The following DHX38 variants were observed in gnomAD, a reference collection of about 807,000 sequenced individuals.
DHX38 encodes pre-mRNA-splicing factor ATP-dependent RNA helicase PRP16.
A neutral mutation model predicts 153.1 loss-of-function variants in DHX38; 100 were observed. The observed-to-expected ratio is 0.65, with a 90% CI of 0.56 to 0.77. The LOEUF (loss-of-function observed/expected upper bound fraction) is 0.77. DHX38 is among the 30% of genes least tolerant of loss of function. The pLI is 0.00. For missense variants in DHX38, 1,440 were observed against 1,654.0 expected (o/e 0.87, Z 2.24); for synonymous variants, 650 against 631.7 (o/e 1.03, Z -0.43).
In DHX38 at chr16:72,105,088, GGGCCCCT is replaced by G; in HGVS notation, c.2216_2222del (p.Ala739GlufsTer15). On this transcript the variant is annotated frameshift_variant, in exon 16 of 27. Coordinates refer to ENST00000268482, the MANE Select transcript of DHX38 (RefSeq NM_014003.4). LOFTEE classifies it high-confidence loss of function. ...CAGTCCTTGCAGGTGCACCTGTCGG[GGGCCCCT>G]GGAGACATCCTTATCTTCATGCCTG... 6.2e-7 allele frequency: 1 copy of G among 1,614,218 alleles called. No individual in the cohort carries two copies. Among genetic ancestry groups the G allele is most frequent in the Non-Finnish European group, 8.5e-7 (1 of 1,180,048 alleles).
chr16:72,112,900 T>C lies in DHX38; in HGVS notation c.*403T>C, dbSNP rs2042277286. On this transcript the variant is annotated 3_prime_UTR_variant, in exon 27 of 27. Transcript: ENST00000268482. ...CAGGATTTGGAAATAAATTTATTAT[T>C]TGTAAAACATGACTGCATGTCTGAC... 1 of 694,012 alleles carries C rather than the reference T, an allele frequency of 1.4e-6. No homozygotes were observed. The highest frequency in any genetic ancestry group is 2.6e-6 in the Non-Finnish European group (1 of 379,798). 43.0% of individuals were successfully genotyped at this position (694,012 alleles called of 1,614,324 possible).
chr16:72,105,705 T>A (rs1485942242), intron 18 of DHX38, 81 bp downstream of exon 18: 1 of 1,382,166 alleles, frequency 7.2e-7, no homozygotes, highest in Admixed American at 1.7e-5. Flanking sequence ...AGGGCCTCGC[T>A]CCTGGCCCTG....
rs559001484 is a variant in DHX38 at position 72,110,107 on chromosome 16, G to A, written c.3477+597G>A. Among the ~76,000 whole-genome samples, 6 of 152,298 alleles carry A rather than the reference G, an allele frequency of 3.9e-5. No homozygotes were observed. The South Asian group carries it at 8.3e-4, about 21-fold the overall frequency. On this transcript the variant is annotated intron_variant, in intron 25 of 26. Transcript: ENST00000268482. The stretch of plus-strand genomic sequence containing the variant: ...ATCCAGGCATTGCAACTGCTTATGT[G>A]TGTTAACTGTTTCATTCTAGAACAG...
rs746570296 is a variant in DHX38 at position 72,101,604 on chromosome 16, G to A, written c.1491G>A (p.Val497=). 9.7e-6 allele frequency: 15 copies of A among 1,551,588 alleles called. No homozygotes were observed. The highest frequency in any genetic ancestry group is 2.4e-5 in the South Asian group (2 of 84,050). The part of the protein sequence containing the change: ...PDKAVTEDGK[V]DYRTEQKFAD... ...AAGCTGTGACGGAGGATGGGAAGGTGGACTACAGGTGGGCAGCCTCAGCCA... is the reference window on the plus strand; with the variant it reads ...AAGCTGTGACGGAGGATGGGAAGGTAGACTACAGGTGGGCAGCCTCAGCCA... Residue 497 remains valine (V), a synonymous_variant, in exon 11 of 27, where the codon GTG becomes GTA. Coordinates refer to ENST00000268482, the MANE Select transcript of DHX38 (RefSeq NM_014003.4).
rs778749677 is a variant in DHX38, at chr16:72,103,943, C to T, written c.1825-3C>T. ...GCATCTGAGCCATCTCTCTGACCTC[C>T]AGGTGGGCTATGCCATCCGCTTTGA... is the stretch of plus-strand genomic sequence containing the variant. On this transcript the variant is annotated splice_polypyrimidine_tract_variant and splice_region_variant and intron_variant, in intron 13 of 26. Transcript: ENST00000268482. The T allele has an allele frequency of 4.3e-6, 7 of 1,613,612 alleles. No individual in the cohort carries two copies. Among genetic ancestry groups the T allele is most frequent in the Non-Finnish European group, 5.9e-6 (7 of 1,179,492 alleles).
At chr16:72,097,156 G>T (rs758983126) in intron 3 of DHX38, 147 bp downstream of exon 3, 5 of 812,480 alleles carry the variant, frequency 6.2e-6, no homozygotes, top group Non-Finnish European at 9.2e-6. Flanking sequence ...ACCCTGCTGG[G>T]ATTGGGAATA....
At chr16:72,102,812 T>C (rs926655753) in intron 11 of DHX38, among the ~76,000 whole-genome samples, 7 of 152,372 alleles carry the variant, frequency 4.6e-5, no homozygotes, top group African/African-American at 1.7e-4. Context: ...TTTGCTAATA[T>C]GGTGATCTGT....
rs2042154704 is a variant in DHX38, at chr16:72,105,051, G to T, written c.2176G>T (p.Ala726Ser). The T allele has an allele frequency of 3.1e-6, 5 of 1,614,166 alleles. No homozygotes were observed. The highest frequency in any genetic ancestry group is 4.2e-6 in the Non-Finnish European group (5 of 1,180,028). The change falls in exon 16 of 27, where the codon GCT becomes TCT. Residue 726 changes from alanine (A) to serine (S), a missense_variant. By Grantham distance (99) the Ala-to-Ser change is moderately conservative (BLOSUM62 1). Transcript: ENST00000268482. ...SKTPQEDYVE[A>S]AVKQSLQVHL... Reference sequence around the variant, plus strand: ...GACCCCACAGGAGGATTACGTGGAGGCTGCAGTGAAGCAGTCCTTGCAGGT... The same window carrying T: ...GACCCCACAGGAGGATTACGTGGAGTCTGCAGTGAAGCAGTCCTTGCAGGT...
At position 72,105,254 on chromosome 16, in the gene DHX38, A is replaced by G. The variant is rs756701702; in HGVS notation, c.2285A>G (p.Glu762Gly). The G allele has an allele frequency of 1.2e-6, 2 of 1,613,954 alleles. No homozygotes were observed. The highest frequency in any genetic ancestry group is 1.3e-5 in the African/African-American group (1 of 74,894). The change falls in exon 17 of 27, where the codon GAG (glutamate) becomes GGG (glycine). Residue 762 changes from glutamate to glycine, a missense_variant. By Grantham distance (98) the Glu-to-Gly change is moderately conservative. Transcript: ENST00000268482. Reference protein sequence around the residue: ...DIEVTSDQIVEHLEELENAPA... With the variant: ...DIEVTSDQIVGHLEELENAPA... ...CAGGTGACCTCAGACCAGATTGTGG[A>G]GCATCTGGAGGAACTGGAGAACGCG...
At chr16:72,099,158 G>A (rs1274935754) in intron 6 of DHX38, 46 bp from the exon 7 acceptor site, 1 of 1,596,224 alleles carries the variant, frequency 6.3e-7, no homozygotes, top group Non-Finnish European at 8.5e-7. Flanking sequence ...GGGGCCGCTG[G>A]GGACAGGCCA....
Position 72,097,011 on chromosome 16 carries a change from T to C in DHX38, c.511+2T>C. 1 of 1,612,904 alleles carries C rather than the reference T, an allele frequency of 6.2e-7. No homozygotes were observed. The highest frequency in any genetic ancestry group is 8.5e-7 in the Non-Finnish European group (1 of 1,179,354). On this transcript the variant is annotated splice_donor_variant, in intron 3 of 26. Coordinates refer to ENST00000268482, the MANE Select transcript of DHX38 (RefSeq NM_014003.4). LOFTEE classifies it high-confidence loss of function. The stretch of plus-strand genomic sequence containing the variant: ...ACTATGACCGCAAGAGGGACAGAGG[T>C]AAACTGTCCAGCACAGTTCCTATTG...
chr16:72,109,348 G>A, intron 24 of DHX38, 67 bp from the exon 25 acceptor site: 1 of 1,550,212 alleles, frequency 6.5e-7, no homozygotes. Context: ...GCTCCTAATT[G>A]TGGAACCACT....
chr16:72,109,580 G>A, intron 25 of DHX38, 70 bp downstream of exon 25: 2 of 1,432,284 alleles, frequency 1.4e-6, no homozygotes, highest in Non-Finnish European at 1.9e-6. Context: ...GCTTGGTATT[G>A]AAGACTTGCG....
In DHX38 at chr16:72,105,156, A is replaced by G. The variant is rs1300026422; in HGVS notation, c.2262+19A>G. ...CATTGAGGTGCGTGCCTTGGTCACG[A>G]CTGTGATGAGCGGGTGTGTCTTGCA... On this transcript the variant is annotated intron_variant, in intron 16 of 26. Transcript: ENST00000268482. 2 of 1,613,980 alleles carry G rather than the reference A, an allele frequency of 1.2e-6. No homozygotes were observed. The highest frequency in any genetic ancestry group is 4.5e-5 in the East Asian group (2 of 44,880).
At chr16:72,105,185 G>A (rs749223209) in intron 16 of DHX38, 47 bp from the exon 17 acceptor site, 4 of 1,613,874 alleles carry the variant, frequency 2.5e-6, no homozygotes, top group Non-Finnish European at 3.4e-6. Context: ...TCTTGCATAT[G>A]AGAGGTTAGG....
At chr16:72,103,912 G>A in intron 13 of DHX38, 34 bp from the exon 14 acceptor site, 4 of 1,610,354 alleles carry the variant, frequency 2.5e-6, no homozygotes, top group Non-Finnish European at 3.4e-6. Context: ...TGAGCCGGTG[G>A]CCAGGGCATC....
Position 72,101,592 on chromosome 16 carries a change from G to C in DHX38, c.1479G>C (p.Glu493Asp). 1 of 1,551,824 alleles carries C rather than the reference G, an allele frequency of 6.4e-7. No individual in the cohort carries two copies. Among genetic ancestry groups the C allele is most frequent in the Non-Finnish European group, 8.7e-7 (1 of 1,147,094 alleles). ...KEEEPDKAVT[E>D]DGKVDYRTEQ... Reference sequence around the variant, plus strand: ...AAGAGCCAGATAAAGCTGTGACGGAGGATGGGAAGGTGGACTACAGGTGGG... The same window carrying C: ...AAGAGCCAGATAAAGCTGTGACGGACGATGGGAAGGTGGACTACAGGTGGG... Residue 493 changes from glutamate to aspartate, a missense_variant, in exon 11 of 27, where the codon GAG becomes GAC. Around this residue, in one of 6 missense-constraint regions of DHX38, gnomAD observed 241 missense variants for 229.5 expected, o/e 1.05. Transcript: ENST00000268482.
In DHX38 at chr16:72,099,088, C is replaced by T. The variant is rs200290503; in HGVS notation, c.883+43C>T. The T allele has an allele frequency of 7.5e-6, 12 of 1,609,300 alleles. No homozygotes were observed. In the Admixed American group the frequency reaches 2.0e-4, roughly 27 times the overall value. On this transcript the variant is annotated intron_variant, in intron 6 of 26. Transcript: ENST00000268482. ...GCAGGCAGAAGAGCAGGCTTGCTTG[C>T]CCTAGCGAGGATGAGCAGGGGCTGC...
intron 24 of DHX38, 109 bp from the exon 25 acceptor site, chr16:72,109,306 T>C (rs997834657): frequency 5.6e-6 from 7 of 1,241,324 alleles, no homozygotes; most frequent in East Asian, 2.6e-5. Flanking sequence ...TTTTCAGCCT[T>C]GCAGGGCCAG....
Sources: gnomAD v4.1 joint callset for allele counts (sites outside exome capture counted in the v4.1 genomes callset) on GRCh38, gnomAD v4.1.1 for gene constraint, gnomAD v4.1.1 regional missense constraint, MANE v1.5 for transcripts, NCBI Gene and HGNC (gene_info 2026-07-23, HGNC 2026-07-21) for gene names.